The following CEP72 variants were observed in gnomAD, a reference collection of about 807,000 sequenced individuals.
CEP72 encodes centrosomal protein of 72 kDa.
A neutral mutation model predicts 65.7 loss-of-function variants in CEP72; 78 were observed. The observed-to-expected ratio is 1.19, with a 90% CI of 0.99 to 1.43. The LOEUF is 1.43. Ranked by LOEUF, CEP72 falls within the 40% of genes most tolerant of loss-of-function variation. CEP72 has a pLI of 0.00. For missense variants in CEP72, 914 were observed against 832.9 expected, an observed-to-expected ratio of 1.10 and a Z score of -1.20; for synonymous variants, 358 against 351.7, an observed-to-expected ratio of 1.02 and a Z score of -0.20.
downstream of CEP72, chr5:661,860 G>A (rs1361523519): frequency 6.6e-6 from 1 of 152,352 alleles, no homozygotes; most frequent in Admixed American, 6.5e-5. Context: ...AGTGGAGAAG[G>A]GTGCTCTCCT....
At chr5:612,857 T>A (rs966695647) in intron 1 of CEP72, among the ~76,000 whole-genome samples, 1 of 152,206 alleles carries the variant, frequency 6.6e-6, no homozygotes, top group African/African-American at 2.4e-5. Flanking sequence ...GGTTTCCTTC[T>A]TTTTGGCTTA....
Position 623,518 on chromosome 5 carries a change from T to G in CEP72, c.404-953T>G, listed in dbSNP as rs1736534643. Among the ~76,000 whole-genome samples, 1 of 152,040 alleles carries G rather than the reference T, an allele frequency of 6.6e-6. No individual in the cohort carries two copies. The highest frequency in any genetic ancestry group is 1.5e-5 in the Non-Finnish European group (1 of 67,998). Reference sequence around the variant, plus strand: ...TGCAGTTGGCTTCGGACATGCTGCATTAGAATTTACACAACAGTCCAGAGA... The same window carrying G: ...TGCAGTTGGCTTCGGACATGCTGCAGTAGAATTTACACAACAGTCCAGAGA... On this transcript the variant is annotated intron_variant, in intron 3 of 11. Transcript: ENST00000264935. The surrounding 1 kb of genome is among the most constrained non-coding windows in gnomAD (Gnocchi z 5.3).
the CEP72 span, among the ~76,000 whole-genome samples, chr5:673,289 C>T: frequency 6.6e-6 from 1 of 152,178 alleles, no homozygotes; most frequent in Non-Finnish European, 1.5e-5. Flanking sequence ...AGTTTTTAGG[C>T]CCCTTGCTGC....
chr5:668,951 A>T (rs1287045501), downstream of CEP72, among the ~76,000 whole-genome samples: 1 of 152,182 alleles, frequency 6.6e-6, no homozygotes, highest in Admixed American at 6.5e-5. Context: ...CCCAAGGCGG[A>T]TGCTGTGTTT....
intron 1 of CEP72, among the ~76,000 whole-genome samples, chr5:614,647 C>T (rs1561021035): frequency 1.3e-5 from 2 of 152,084 alleles, no homozygotes; most frequent in African/African-American, 2.4e-5. Flanking sequence ...AGGCATGATC[C>T]ACCGCGCCCG....
rs1478958593 is a variant in CEP72, at chr5:651,295, G to C, written c.1779-1693G>C. Among the ~76,000 whole-genome samples, 38 of 115,728 alleles carry C rather than the reference G, an allele frequency of 3.3e-4. 1 individual carries two copies. The highest frequency in any genetic ancestry group is 4.8e-4 in the Non-Finnish European group (26 of 53,616). 75.9% of individuals were successfully genotyped at this position (115,728 alleles called of 152,430 possible). On this transcript the variant is annotated intron_variant, in intron 11 of 11. Transcript: ENST00000264935. ...GTGGACTGTGAGGTGTGACTGTGAG[G>C]TGTGACTGTGAGGTGTGACTGTGAG... is the stretch of plus-strand genomic sequence containing the variant.
intron 3 of CEP72, 43 bp downstream of exon 3, chr5:620,304 G>A (rs1331835636): frequency 6.4e-7 from 1 of 1,557,766 alleles, no homozygotes; most frequent in Non-Finnish European, 8.8e-7. Context: ...TGTCCCCGTG[G>A]GGTATGGGAG....
intron 4 of CEP72, among the ~76,000 whole-genome samples, chr5:666,477 G>A (rs1202638381): frequency 2.6e-5 from 4 of 152,210 alleles, no homozygotes; most frequent in African/African-American, 9.6e-5. Context: ...GGGGGTCCTA[G>A]GACCTGCTGG....
chr5:634,729 GT>G (rs1737472770), intron 5 of CEP72, among the ~76,000 whole-genome samples: 1 of 152,092 alleles, frequency 6.6e-6, no homozygotes, highest in Middle Eastern at 3.2e-3. Flanking sequence ...TTAGTATTGA[GT>G]CCTAAGAGAT....
chr5:662,399 C>G (rs1739665643), intron 1 of CEP72: 1 of 152,510 alleles, frequency 6.6e-6, no homozygotes, highest in Non-Finnish European at 1.5e-5. Flanking sequence ...GACCAGGAGG[C>G]AGCGTCCTGG....
chr5:614,491 C>T (rs1579914439), intron 1 of CEP72, among the ~76,000 whole-genome samples: 1 of 142,008 alleles, frequency 7.0e-6, no homozygotes, highest in South Asian at 2.2e-4. Flanking sequence ...CTCTGTCACC[C>T]AGGCTGGAGT....
At chr5:666,116 A>G in intron 4 of CEP72, 1 of 1,506,756 alleles carries the variant, frequency 6.6e-7, no homozygotes, top group South Asian at 1.2e-5. Context: ...GTCCGGCAAG[A>G]CTTCCCTCTA....
At chr5:630,163 G>A (rs1267979927) in intron 4 of CEP72, among the ~76,000 whole-genome samples, 9 of 4,816 alleles carry the variant, frequency 1.9e-3, no homozygotes, top group African/African-American at 2.6e-3. Context: ...CCGGGATTTG[G>A]CCCAGTCCTG....
chr5:640,891 G>T, intron 9 of CEP72: 1 of 985,458 alleles, frequency 1.0e-6, no homozygotes, highest in Non-Finnish European at 1.2e-6. Context: ...CAGGAGCCAG[G>T]CCTGGACGTG....
At chr5:650,293 G>T (rs200272330) in intron 11 of CEP72, among the ~76,000 whole-genome samples, 6,730 of 62,384 alleles carry the variant, frequency 0.11, no homozygotes, top group Non-Finnish European at 0.18. Flanking sequence ...TGACTGTGAG[G>T]TGTGACTGTG....
chr5:621,686 G>A (rs1385849733), intron 3 of CEP72, among the ~76,000 whole-genome samples: 4 of 152,378 alleles, frequency 2.6e-5, no homozygotes, highest in East Asian at 3.9e-4. Context: ...GGAGCCATGC[G>A]GGGCCGTGTC....
chr5:669,720 T>C (rs888447368), downstream of CEP72, among the ~76,000 whole-genome samples: 2 of 151,948 alleles, frequency 1.3e-5, no homozygotes, highest in African/African-American at 2.4e-5. Flanking sequence ...ACACCTGCTC[T>C]GCGCGCTCCC....
At chr5:658,681 T>G (rs113594607), downstream of CEP72, among the ~76,000 whole-genome samples, 1 of 104,044 alleles carries the variant, frequency 9.6e-6, no homozygotes, top group Non-Finnish European at 2.0e-5. Context: ...TTTTTTTTTT[T>G]TTTTTGAGAT....
intron 9 of CEP72, chr5:643,516 C>CT (rs1207739716): frequency 1.0e-6 from 1 of 985,420 alleles, no homozygotes; most frequent in Non-Finnish European, 1.2e-6. Context: ...GGTGGGCTCA[C>CT]TGAGCGGAGA....
Sources: gnomAD v4.1 joint callset for allele counts (sites outside exome capture counted in the v4.1 genomes callset) on GRCh38, gnomAD v4.1.1 for gene constraint, Gnocchi (gnomAD v3.1) non-coding constraint, MANE v1.5 for transcripts, NCBI Gene and HGNC (gene_info 2026-07-23, HGNC 2026-07-21) for gene names.